The following CRTAM variants were observed in gnomAD, a reference collection of about 807,000 sequenced individuals.
CRTAM encodes the protein cytotoxic and regulatory T-cell molecule.
Under a neutral mutation model 50.0 loss-of-function variants are expected in CRTAM, and 44 were observed. That is an observed-to-expected ratio of 0.88 (90% CI 0.69 to 1.13). CRTAM has a LOEUF of 1.13. Among genes scored for constraint, CRTAM ranks in the 50% most tolerant of loss-of-function variants. CRTAM has a pLI of 0.00. For synonymous variants in CRTAM, 159 were observed against 169.3 expected, an observed-to-expected ratio of 0.94 and a Z score of 0.47; for missense variants, 448 against 457.5, an observed-to-expected ratio of 0.98 and a Z score of 0.19.
intron 5 of CRTAM, among the ~76,000 whole-genome samples, chr11:122,859,380 G>A (rs1258419096): frequency 6.6e-6 from 1 of 151,814 alleles, no homozygotes; most frequent in Non-Finnish European, 1.5e-5. Flanking sequence ...CAAAGTGCTG[G>A]TATTACAGGC....
intron 7 of CRTAM, among the ~76,000 whole-genome samples, chr11:122,867,052 T>C (rs1330419492): frequency 6.6e-6 from 1 of 152,240 alleles, no homozygotes; most frequent in African/African-American, 2.4e-5. Flanking sequence ...TACTTAACTA[T>C]ATTTTGCTAA....
intron 5 of CRTAM, among the ~76,000 whole-genome samples, chr11:122,857,922 G>GT (rs1444564446): frequency 6.6e-6 from 1 of 152,052 alleles, no homozygotes; most frequent in East Asian, 1.9e-4. Context: ...GTTTTGTTTT[G>GT]TTTTTTGAGA....
intron 3 of CRTAM, among the ~76,000 whole-genome samples, chr11:122,852,343 G>C (rs1232098063): frequency 6.6e-6 from 1 of 152,218 alleles, no homozygotes; most frequent in Non-Finnish European, 1.5e-5. Flanking sequence ...TTCTGTAGGA[G>C]GGCGGGATTG....
At chr11:122,858,093 G>A (rs1218270956) in intron 5 of CRTAM, among the ~76,000 whole-genome samples, 1 of 151,988 alleles carries the variant, frequency 6.6e-6, no homozygotes, top group African/African-American at 2.4e-5. Context: ...TTAAATTTTT[G>A]CTGAGACGGG....
intron 7 of CRTAM, 28 bp from the exon 8 acceptor site, chr11:122,867,381 C>T (rs1862191171): frequency 1.3e-6 from 2 of 1,560,240 alleles, no homozygotes; most frequent in African/African-American, 1.4e-5. Context: ...CCCAAAGTAT[C>T]TAAACTCCTT....
At chr11:122,868,416 G>A (rs1862210608) in intron 9 of CRTAM, among the ~76,000 whole-genome samples, 1 of 152,042 alleles carries the variant, frequency 6.6e-6, no homozygotes. Flanking sequence ...AAGCTAGGGA[G>A]TCTCGAGTTC....
intron 9 of CRTAM, 87 bp downstream of exon 9, chr11:122,868,186 A>ATTTG: frequency 1.6e-6 from 1 of 631,056 alleles, no homozygotes. Flanking sequence ...AGACAACAGA[A>ATTTG]TATGTGTGTG....
intron 1 of CRTAM, among the ~76,000 whole-genome samples, chr11:122,841,908 G>A (rs1220435263): frequency 6.6e-6 from 1 of 152,136 alleles, no homozygotes; most frequent in African/African-American, 2.4e-5. Flanking sequence ...AGACATTATG[G>A]GGAAAAGGGA....
At chr11:122,861,237 A>C (rs1347899084) in intron 5 of CRTAM, among the ~76,000 whole-genome samples, 2 of 151,198 alleles carry the variant, frequency 1.3e-5, no homozygotes, top group African/African-American at 4.9e-5. Flanking sequence ...TACAGTTTGA[A>C]TGTTTGATTA....
chr11:122,845,013 G>A (rs553408692), intron 1 of CRTAM, among the ~76,000 whole-genome samples: 2 of 152,290 alleles, frequency 1.3e-5, no homozygotes, highest in African/African-American at 4.8e-5. Flanking sequence ...CATCAGAAAG[G>A]TGATGAGGCC....
Position 122,871,332 on chromosome 11 carries a change from G to A in CRTAM, c.1115G>A (p.Arg372Lys), listed in dbSNP as rs1358466209. The change falls in exon 10 of 10, where the codon AGG becomes AAG. Residue 372 changes from arginine (R) to lysine (K), a missense_variant. Transcript: ENST00000227348. The stretch of plus-strand genomic sequence containing the variant: ...TTGTACTCAGAAGCAAAAACAAAGA[G>A]GAAGGAAAATGTACAACATTCAAAA... The part of the protein sequence containing the change: ...TKLYSEAKTK[R>K]KENVQHSKLE... The A allele has an allele frequency of 1.2e-6, 2 of 1,613,594 alleles. No individual in the cohort carries two copies. Among genetic ancestry groups the A allele is most frequent in the East Asian group, 2.2e-5 (1 of 44,864 alleles).
intron 8 of CRTAM, 118 bp from the exon 9 acceptor site, chr11:122,867,895 T>A: frequency 1.5e-6 from 1 of 674,088 alleles, no homozygotes; most frequent in South Asian, 1.9e-5. Flanking sequence ...GTATGAGTTA[T>A]GGGAGGGGCA....
At position 122,855,745 on chromosome 11, in the gene CRTAM, A is replaced by G. The variant is rs771401673; in HGVS notation, c.541A>G (p.Ser181Gly). Residue 181 changes from serine (S) to glycine (G), a missense_variant, in exon 5 of 10, where the codon AGC becomes GGC. Physicochemically the swap from Ser to Gly is moderately conservative, Grantham distance 56 (BLOSUM62 0). Coordinates refer to ENST00000227348, the MANE Select transcript of CRTAM (RefSeq NM_019604.4). ...TGATGGGAAGAAATGTAATACTACCAGCACTCTCATAATCCACACTTATGG... is the reference window on the plus strand; with the variant it reads ...TGATGGGAAGAAATGTAATACTACCGGCACTCTCATAATCCACACTTATGG... ...ETDGKKCNTT[S>G]TLIIHTYGKN... is the part of the protein sequence containing the mutation. 5 of 1,614,100 alleles carry G rather than the reference A, an allele frequency of 3.1e-6. No homozygotes were observed. In the Admixed American group the frequency reaches 5.0e-5, roughly 16 times the overall value.
At chr11:122,845,599 C>T (rs913980824) in intron 1 of CRTAM, among the ~76,000 whole-genome samples, 3 of 151,822 alleles carry the variant, frequency 2.0e-5, no homozygotes, top group East Asian at 1.9e-4. Flanking sequence ...CTCAGGTACT[C>T]GGGAGGCTGA....
At chr11:122,861,146 A>G (rs1862068181) in intron 5 of CRTAM, among the ~76,000 whole-genome samples, 1 of 151,872 alleles carries the variant, frequency 6.6e-6, no homozygotes, top group East Asian at 1.9e-4. Flanking sequence ...AGTCTATACT[A>G]TTATCTCTAT....
At chr11:122,870,650 G>C (rs1862241573) in intron 9 of CRTAM, among the ~76,000 whole-genome samples, 2 of 152,130 alleles carry the variant, frequency 1.3e-5, no homozygotes, top group Admixed American at 1.3e-4. Flanking sequence ...TTTGCAGTAA[G>C]CCCTGTTATT....
chr11:122,850,459 C>T (rs1861916603), intron 2 of CRTAM, among the ~76,000 whole-genome samples: 1 of 152,182 alleles, frequency 6.6e-6, no homozygotes, highest in African/African-American at 2.4e-5. Context: ...GATTACAAAG[C>T]ACATTTCCAT....
In CRTAM at chr11:122,871,377, A is replaced by G. The variant is rs1862251248; in HGVS notation, c.1160A>G (p.Gln387Arg). ...QHSKLEEKHI[Q>R]VPESIV ...TCAAAATTAGAAGAAAAGCACATCC[A>G]AGTACCAGAGAGTATTGTGTAGTGC... The change falls in exon 10 of 10, where the codon CAA becomes CGA. Residue 387 changes from glutamine (Q) to arginine (R), a missense_variant. By Grantham distance (43) the Gln-to-Arg change is conservative (BLOSUM62 1). Coordinates refer to ENST00000227348, the MANE Select transcript of CRTAM (RefSeq NM_019604.4). 6.2e-7 allele frequency: 1 copy of G among 1,613,784 alleles called. No homozygotes were observed. The highest frequency in any genetic ancestry group is 8.5e-7 in the Non-Finnish European group (1 of 1,179,850).
Position 122,862,372 on chromosome 11 carries a change from C to T in CRTAM, c.653-92C>T, listed in dbSNP as rs146694729. On this transcript the variant is annotated intron_variant, in intron 5 of 9. Coordinates refer to ENST00000227348, the MANE Select transcript of CRTAM (RefSeq NM_019604.4). ...TGCACAACCTCTACAAGCAGGTAGC[C>T]GCTAAATATATTCTCCAATCTCTTT... 6.6e-4 allele frequency: 543 copies of T among 819,488 alleles called. No homozygotes were observed. In the Middle Eastern group the frequency reaches 7.5e-3, roughly 11 times the overall value. 50.8% of individuals were successfully genotyped at this position (819,488 alleles called of 1,614,324 possible). A position where few individuals can be genotyped will look rare whatever the true frequency, so the allele number is the denominator to read the frequency against.
Sources: allele counts gnomAD v4.1 joint callset (sites outside exome capture counted in the v4.1 genomes callset), GRCh38; gene constraint gnomAD v4.1.1; transcripts MANE v1.5; gene names NCBI Gene and HGNC (gene_info 2026-07-23, HGNC 2026-07-21).